TAF3: variants seen among roughly 807,000 people sequenced by gnomAD.
TAF3 encodes transcription initiation factor TFIID subunit 3.
Under a neutral mutation model 80.6 loss-of-function variants are expected in TAF3, and 7 were observed. The ratio of observed to expected loss-of-function variants is 0.09; its 90% CI spans 0.05 to 0.16. The LOEUF is 0.16. TAF3 is among the 10% of genes least tolerant of loss of function. TAF3 has a pLI of 1.00. For missense variants in TAF3, 921 were observed against 1,140.2 expected (o/e 0.81, Z 2.77); for synonymous variants, 444 against 446.1 (o/e 1.00, Z 0.06).
chr10:7,956,616 C>T (rs1328409580), intron 2 of TAF3, among the ~76,000 whole-genome samples: 2 of 152,178 alleles, frequency 1.3e-5, no homozygotes, highest in East Asian at 1.9e-4. Context: ...TGATCAGATA[C>T]CCAGCTACCA....
intron 2 of TAF3, among the ~76,000 whole-genome samples, chr10:7,936,155 C>G (rs1299708494): frequency 1.3e-5 from 2 of 152,122 alleles, no homozygotes; most frequent in Non-Finnish European, 2.9e-5. Context: ...GAAGACGGGC[C>G]CTGAAGACAG....
At chr10:7,865,090 G>A (rs1837196967) in intron 2 of TAF3, among the ~76,000 whole-genome samples, 1 of 152,138 alleles carries the variant, frequency 6.6e-6, no homozygotes, top group Non-Finnish European at 1.5e-5. Flanking sequence ...CTCACCAGTG[G>A]TGACTCATGG....
intron 2 of TAF3, among the ~76,000 whole-genome samples, chr10:7,920,401 G>T (rs1351542025): frequency 1.3e-5 from 2 of 149,108 alleles, no homozygotes; most frequent in Non-Finnish European, 1.5e-5. Context: ...GAATGCTATG[G>T]GTGCGTTGTG....
chr10:7,964,390 A>G lies in TAF3; in HGVS notation c.880A>G (p.Met294Val), dbSNP rs1831545865. The G allele has an allele frequency of 6.2e-7, 1 of 1,614,106 alleles. No homozygotes were observed. Among genetic ancestry groups the G allele is most frequent in the East Asian group, 2.2e-5 (1 of 44,876 alleles). ...KSPKTAQSPAMVGSPIRSPKT... is the reference protein window; with the variant it reads ...KSPKTAQSPAVVGSPIRSPKT... The stretch of plus-strand genomic sequence containing the variant: ...ACCTAAAACCGCCCAGTCACCAGCA[A>G]TGGTCGGAAGTCCTATTCGATCACC... The change falls in exon 3 of 7, where the codon ATG (methionine) becomes GTG (valine). Residue 294 changes from methionine (M) to valine (V), a missense_variant. Met to Val is a conservative substitution (Grantham distance 21). Around this residue, in one of 6 missense-constraint regions of TAF3, gnomAD observed 743 missense variants for 821.0 expected, o/e 0.90. Coordinates refer to ENST00000344293, the MANE Select transcript of TAF3 (RefSeq NM_031923.4). This position sits in a 1 kb window ranked among gnomAD's most constrained non-coding sequence, Gnocchi z 4.1.
intron 2 of TAF3, among the ~76,000 whole-genome samples, chr10:7,862,961 T>C (rs1231784401): frequency 6.6e-6 from 1 of 152,218 alleles, no homozygotes; most frequent in Non-Finnish European, 1.5e-5. Flanking sequence ...TGGGATTTTT[T>C]ACTGTCTTGG....
At chr10:7,943,034 T>G (rs1211810102) in intron 2 of TAF3, among the ~76,000 whole-genome samples, 3 of 152,214 alleles carry the variant, frequency 2.0e-5, no homozygotes, top group African/African-American at 7.2e-5. Context: ...CAGTCCAGTT[T>G]CTTTCTGTGT....
intron 2 of TAF3, among the ~76,000 whole-genome samples, chr10:7,926,996 GA>G (rs1256460821): frequency 6.6e-6 from 1 of 152,074 alleles, no homozygotes; most frequent in African/African-American, 2.4e-5. Context: ...GCCTACCATG[GA>G]AAATACTACA....
intron 2 of TAF3, among the ~76,000 whole-genome samples, chr10:7,941,357 G>A (rs577664920): frequency 2.0e-5 from 3 of 152,338 alleles, no homozygotes; most frequent in East Asian, 3.9e-4. Flanking sequence ...CAAGAAAGAG[G>A]AAAAGTGATC....
chr10:7,924,658 A>C (rs146310092), intron 2 of TAF3, among the ~76,000 whole-genome samples: 1 of 152,142 alleles, frequency 6.6e-6, no homozygotes, highest in Non-Finnish European at 1.5e-5. Flanking sequence ...TTAAAAATCT[A>C]TTCTTTTTTA....
At chr10:7,948,708 G>A (rs1480611700) in intron 2 of TAF3, among the ~76,000 whole-genome samples, 1 of 152,162 alleles carries the variant, frequency 6.6e-6, no homozygotes, top group East Asian at 1.9e-4. Context: ...GACAGGGATA[G>A]ATACATAACA....
chr10:7,965,035 T>C lies in TAF3; in HGVS notation c.1525T>C (p.Tyr509His). 1 of 1,613,920 alleles carries C rather than the reference T, an allele frequency of 6.2e-7. No individual in the cohort carries two copies. The highest frequency in any genetic ancestry group is 1.7e-5 in the Admixed American group (1 of 60,010). The change falls in exon 3 of 7, where the codon TAT becomes CAT. Residue 509 changes from tyrosine to histidine, a missense_variant. By Grantham distance (83) the Tyr-to-His change is moderately conservative. Coordinates refer to ENST00000344293, the MANE Select transcript of TAF3 (RefSeq NM_031923.4). ...PPTPEPLHKV[Y>H]EEKTKLPSSV... is the part of the protein sequence containing the mutation. ...CACTCCCGAACCTCTCCACAAGGTG[T>C]ATGAGGAGAAAACCAAGCTGCCTTC...
intron 2 of TAF3, among the ~76,000 whole-genome samples, chr10:7,849,738 G>GA (rs1285696227): frequency 8.6e-5 from 13 of 151,542 alleles, no homozygotes; most frequent in African/African-American, 3.2e-4. Flanking sequence ...GGAGTGCAGT[G>GA]GCACGATCTT....
chr10:7,972,318 C>A (rs1265446105), intron 3 of TAF3, among the ~76,000 whole-genome samples: 1 of 152,204 alleles, frequency 6.6e-6, no homozygotes, highest in African/African-American at 2.4e-5. Flanking sequence ...ATTGTACTTT[C>A]TGTATGTATA....
intron 2 of TAF3, among the ~76,000 whole-genome samples, chr10:7,931,367 T>A (rs263416): frequency 0.9 from 136,335 of 152,184 alleles, 61,198 homozygotes; most frequent in East Asian, 0.99. Flanking sequence ...CCATATTTAT[T>A]TTCCTGCTGA....
intron 2 of TAF3, among the ~76,000 whole-genome samples, chr10:7,935,257 A>G (rs61833240): frequency 0.35 from 53,743 of 151,610 alleles, 10,615 homozygotes; most frequent in Admixed American, 0.48. Flanking sequence ...AGCCTGGGCA[A>G]CAGCAAAACT....
At chr10:7,825,216 T>C (rs1028102719) in intron 2 of TAF3, among the ~76,000 whole-genome samples, 1 of 152,248 alleles carries the variant, frequency 6.6e-6, no homozygotes. Flanking sequence ...ACACGATATT[T>C]TTTCTTATAA....
At chr10:7,858,831 C>T (rs866565458) in intron 2 of TAF3, among the ~76,000 whole-genome samples, 5 of 130,960 alleles carry the variant, frequency 3.8e-5, no homozygotes, top group East Asian at 2.3e-4. Context: ...TGTGTGTGCG[C>T]GCGCCTGCAT....
rs1832088075 is a variant in TAF3 at position 8,014,752 on chromosome 10, C to T, written c.*1C>T. Reference sequence around the variant, plus strand: ...GAAGAGGAAGCATCGAGCCCACTGACGACTCCCGAGGGGCTGGACCAAGCG... The same window carrying T: ...GAAGAGGAAGCATCGAGCCCACTGATGACTCCCGAGGGGCTGGACCAAGCG... On this transcript the variant is annotated 3_prime_UTR_variant, in exon 7 of 7. Transcript: ENST00000344293. 3.2e-6 allele frequency: 5 copies of T among 1,584,224 alleles called. No individual in the cohort carries two copies. The highest frequency in any genetic ancestry group is 2.3e-5 in the South Asian group (2 of 86,844).
At chr10:7,985,394 C>T (rs1831766838) in intron 4 of TAF3, among the ~76,000 whole-genome samples, 1 of 152,216 alleles carries the variant, frequency 6.6e-6, no homozygotes, top group Admixed American at 6.5e-5. Flanking sequence ...GTGTCTTCCT[C>T]TTCTTTTTTC....
Sources: allele counts gnomAD v4.1 joint callset (sites outside exome capture counted in the v4.1 genomes callset), GRCh38; gene constraint gnomAD v4.1.1; regional missense constraint gnomAD v4.1.1; non-coding constraint Gnocchi (gnomAD v3.1); transcripts MANE v1.5; gene names NCBI Gene and HGNC (gene_info 2026-07-23, HGNC 2026-07-21).